Variants in NCK1 observed in about 807,000 individuals in gnomAD.
NCK1 encodes the protein SH2/SH3 adapter protein NCK1.
A neutral mutation model predicts 36.6 loss-of-function variants in NCK1; 19 were observed. That is an observed-to-expected ratio of 0.52 (90% confidence interval 0.36 to 0.76). The LOEUF (loss-of-function observed/expected upper bound fraction) is 0.76, where lower values mean the gene tolerates loss of function less well. NCK1 is among the 30% of genes least tolerant of loss of function. The probability of loss-of-function intolerance (pLI) is 0.00; values close to 1 mark genes in which losing one functional copy is unlikely to be tolerated. For synonymous variants in NCK1, 165 were observed against 156.0 expected, an observed-to-expected ratio of 1.06 and a Z score of -0.43; for missense variants, 358 against 445.6, an observed-to-expected ratio of 0.80 and a Z score of 1.77.
chr3:136,912,365 G>A (rs867966923), intron 1 of NCK1, among the ~76,000 whole-genome samples: 6 of 151,882 alleles, frequency 4.0e-5, no homozygotes, highest in Middle Eastern at 3.4e-3. Context: ...GTTTCGCCAC[G>A]TTTGGCCAGG....
At chr3:136,872,625 G>A (rs1462074965) in intron 1 of NCK1, among the ~76,000 whole-genome samples, 2 of 152,200 alleles carry the variant, frequency 1.3e-5, no homozygotes, top group Non-Finnish European at 1.5e-5. Flanking sequence ...AGGGCGTGTC[G>A]GAGGTCTTCA....
chr3:136,950,928 T>C lies in NCK1; in HGVS notation c.*2475T>C, dbSNP rs967947104. 1.3e-5 allele frequency among the ~76,000 whole-genome samples: 2 copies of C among 152,166 alleles called. No individual in the cohort carries two copies. Among genetic ancestry groups the C allele is most frequent in the African/African-American group, 2.4e-5 (1 of 41,452 alleles). Reference sequence around the variant, plus strand: ...AGCTTTGTGACAAAAACAAATGCCATTGTGTCCCTTATTTAGTCATAAAAC... The same window carrying C: ...AGCTTTGTGACAAAAACAAATGCCACTGTGTCCCTTATTTAGTCATAAAAC... On this transcript the variant is annotated 3_prime_UTR_variant, in exon 4 of 4. Coordinates refer to ENST00000481752, the MANE Select transcript of NCK1 (RefSeq NM_001291999.2).
chr3:136,940,548 A>G (rs1940644596), intron 2 of NCK1, among the ~76,000 whole-genome samples: 1 of 151,812 alleles, frequency 6.6e-6, no homozygotes, highest in African/African-American at 2.4e-5. Context: ...GTTGTGTGAT[A>G]TATATTTATT....
chr3:136,882,928 T>C (rs1026368246), intron 1 of NCK1, among the ~76,000 whole-genome samples: 2 of 152,168 alleles, frequency 1.3e-5, no homozygotes, highest in African/African-American at 4.8e-5. Context: ...CCTTATTACA[T>C]GACTTTTTTA....
chr3:136,938,799 A>T (rs1045082091), intron 2 of NCK1, among the ~76,000 whole-genome samples: 4 of 152,214 alleles, frequency 2.6e-5, no homozygotes, highest in Non-Finnish European at 5.9e-5. Context: ...TTGGAGCCTA[A>T]CCCTGTTTTT....
intron 1 of NCK1, among the ~76,000 whole-genome samples, chr3:136,921,423 C>T (rs1361583444): frequency 6.6e-6 from 1 of 152,148 alleles, no homozygotes; most frequent in Non-Finnish European, 1.5e-5. Context: ...ATATTGGTTT[C>T]ATTTTCTAAA....
chr3:136,873,633 C>A (rs1389646999), intron 1 of NCK1, among the ~76,000 whole-genome samples: 1 of 152,108 alleles, frequency 6.6e-6, no homozygotes, highest in African/African-American at 2.4e-5. Context: ...TGTGTCCCCA[C>A]CCATATTTCA....
At chr3:136,925,896 T>C (rs1215337406) in intron 1 of NCK1, among the ~76,000 whole-genome samples, 1 of 152,244 alleles carries the variant, frequency 6.6e-6, no homozygotes, top group African/African-American at 2.4e-5. Flanking sequence ...TTTAGTTTTA[T>C]GAGAAACTGT....
At chr3:136,926,903 A>G (rs1180433279) in intron 1 of NCK1, among the ~76,000 whole-genome samples, 2 of 152,162 alleles carry the variant, frequency 1.3e-5, no homozygotes, top group African/African-American at 4.8e-5. Context: ...AATATTCTGT[A>G]TATGTCTATT....
At chr3:136,943,383 A>G (rs1452148201) in intron 2 of NCK1, among the ~76,000 whole-genome samples, 4 of 152,204 alleles carry the variant, frequency 2.6e-5, no homozygotes, top group African/African-American at 9.6e-5. Context: ...TTATTTGGAC[A>G]TGAGTGTTGG....
At chr3:136,908,426 TA>T (rs1370584863) in intron 1 of NCK1, among the ~76,000 whole-genome samples, 1 of 152,206 alleles carries the variant, frequency 6.6e-6, no homozygotes, top group Non-Finnish European at 1.5e-5. Context: ...ATTAGTGGAC[TA>T]GATGTACAGC....
At chr3:136,865,927 G>A (rs1448797669) in intron 1 of NCK1, among the ~76,000 whole-genome samples, 1 of 152,132 alleles carries the variant, frequency 6.6e-6, no homozygotes, top group Non-Finnish European at 1.5e-5. Flanking sequence ...TTATCTCTAT[G>A]CGTGTAACAA....
At chr3:136,891,384 C>T (rs528998886) in intron 1 of NCK1, among the ~76,000 whole-genome samples, 3 of 152,342 alleles carry the variant, frequency 2.0e-5, no homozygotes, top group South Asian at 2.1e-4. Context: ...ATCTACCCGC[C>T]TCAGCCTCCC....
chr3:136,887,255 A>T (rs778077248), intron 1 of NCK1, among the ~76,000 whole-genome samples: 44 of 152,146 alleles, frequency 2.9e-4, no homozygotes, highest in Non-Finnish European at 5.7e-4. Context: ...GTGGCCTCCA[A>T]CTCTTGGCCT....
intron 1 of NCK1, among the ~76,000 whole-genome samples, chr3:136,895,311 G>A (rs906786377): frequency 6.6e-6 from 1 of 151,726 alleles, no homozygotes; most frequent in African/African-American, 2.4e-5. Context: ...TATGTTTTTG[G>A]TTTATTTTAT....
intron 1 of NCK1, among the ~76,000 whole-genome samples, chr3:136,891,122 G>C (rs1336311580): frequency 2.0e-5 from 3 of 152,198 alleles, no homozygotes; most frequent in African/African-American, 7.2e-5. Context: ...ACCACATGTT[G>C]TTTACTCATT....
chr3:136,865,960 A>G (rs926255023), intron 1 of NCK1, among the ~76,000 whole-genome samples: 2 of 152,152 alleles, frequency 1.3e-5, no homozygotes, highest in African/African-American at 4.8e-5. Context: ...TTTGCCAGCC[A>G]TTTTTATCTT....
chr3:136,870,121 C>T (rs185124670), intron 1 of NCK1, among the ~76,000 whole-genome samples: 20 of 141,710 alleles, frequency 1.4e-4, no homozygotes, highest in Non-Finnish European at 2.7e-4. Flanking sequence ...GCAGGTGGAT[C>T]GCTTGAGGTC....
Position 136,910,534 on chromosome 3 carries a change from C to T in NCK1, c.-18-17450C>T, listed in dbSNP as rs547768383. ...AGTTACAGTAATACTAGCTTTTATA[C>T]TTGCCCATGCATTTACTTTTACTTT... On this transcript the variant is annotated intron_variant, in intron 1 of 3. Transcript: ENST00000481752. Among the ~76,000 whole-genome samples the T allele has an allele frequency of 5.1e-4, 78 of 152,310 alleles. 1 individual carries two copies. The highest frequency in any genetic ancestry group is 8.5e-4 in the Admixed American group (13 of 15,302).
Sources: allele counts gnomAD v4.1 joint callset (sites outside exome capture counted in the v4.1 genomes callset), GRCh38; gene constraint gnomAD v4.1.1; transcripts MANE v1.5; gene names NCBI Gene and HGNC (gene_info 2026-07-23, HGNC 2026-07-21).